The following ATP6V0D2 variants were observed in gnomAD, a reference collection of about 807,000 sequenced individuals.
The protein encoded by ATP6V0D2 is ATPase H+ transporting V0 subunit d2.
ATP6V0D2 carries 40 observed loss-of-function variants against 40.0 expected under a neutral mutation model. The ratio of observed to expected loss-of-function variants is 1.00; its 90% CI spans 0.78 to 1.30. The LOEUF (loss-of-function observed/expected upper bound fraction) is 1.30, where lower values mean the gene tolerates loss of function less well. ATP6V0D2 is among the 50% of genes most tolerant of loss of function. ATP6V0D2 has a pLI of 0.00. For missense variants in ATP6V0D2, 470 were observed against 423.1 expected (o/e 1.11, Z -0.97); for synonymous variants, 179 against 156.3 (o/e 1.15, Z -1.08).
intron 6 of ATP6V0D2, 26 bp downstream of exon 6, chr8:86,150,314 A>G: frequency 6.2e-7 from 1 of 1,604,192 alleles, no homozygotes; most frequent in Non-Finnish European, 8.5e-7. Context: ...GGCTTCCCTA[A>G]GTCCTTTGTG....
chr8:86,146,840 CCTTTTACTTTTGTAA>C (rs1264967414), intron 5 of ATP6V0D2, among the ~76,000 whole-genome samples: 2 of 151,960 alleles, frequency 1.3e-5, no homozygotes, highest in African/African-American at 4.8e-5. Flanking sequence ...TAATTACCTC[CCTTTTACTTTTGTAA>C]CTATAAAGCA....
At chr8:86,120,183 A>T (rs1271631479) in intron 2 of ATP6V0D2, among the ~76,000 whole-genome samples, 1 of 152,198 alleles carries the variant, frequency 6.6e-6, no homozygotes, top group Non-Finnish European at 1.5e-5. Flanking sequence ...GGATCACTTG[A>T]GGCCAGGAGT....
At chr8:86,103,468 G>A (rs1390982283) in intron 1 of ATP6V0D2, among the ~76,000 whole-genome samples, 1 of 151,932 alleles carries the variant, frequency 6.6e-6, no homozygotes. Context: ...TTGTTTAGAA[G>A]GGAATTAGGG....
chr8:86,124,159 G>A (rs1395592964), intron 2 of ATP6V0D2, among the ~76,000 whole-genome samples: 1 of 152,134 alleles, frequency 6.6e-6, no homozygotes, highest in Non-Finnish European at 1.5e-5. Flanking sequence ...GATTCAATGG[G>A]AATAGTCAAA....
chr8:86,118,002 TTTTC>T (rs71574256), intron 2 of ATP6V0D2, among the ~76,000 whole-genome samples: 59,811 of 136,542 alleles, frequency 0.44, 14,787 homozygotes, highest in Non-Finnish European at 0.56. Context: ...TTTCTCTTTG[TTTTC>T]TTTCTTTCTT....
At chr8:86,123,040 G>A (rs10106391) in intron 2 of ATP6V0D2, among the ~76,000 whole-genome samples, 7 of 151,928 alleles carry the variant, frequency 4.6e-5, no homozygotes, top group African/African-American at 1.5e-4. Flanking sequence ...TGGTCACCAC[G>A]CTGTAAGGGG....
chr8:86,137,683 A>G (rs1039601521), intron 2 of ATP6V0D2, among the ~76,000 whole-genome samples: 1 of 152,106 alleles, frequency 6.6e-6, no homozygotes, highest in Non-Finnish European at 1.5e-5. Context: ...AAATGGCTCT[A>G]TAACCTAACT....
chr8:86,147,115 T>A (rs575524572), intron 5 of ATP6V0D2, among the ~76,000 whole-genome samples: 3 of 152,284 alleles, frequency 2.0e-5, no homozygotes, highest in East Asian at 3.9e-4. Context: ...TGAAAAACAA[T>A]CATAAAATAT....
rs773606779 is a variant in ATP6V0D2, at chr8:86,113,835, G to A, written c.257G>A (p.Arg86Gln). 135 of 1,613,556 alleles carry A rather than the reference G, an allele frequency of 8.4e-5. No individual in the cohort carries two copies. Among genetic ancestry groups the A allele is most frequent in the South Asian group, 7.3e-4 (66 of 91,002 alleles). Residue 86 changes from arginine (R) to glutamine (Q), a missense_variant, in exon 2 of 8, where the codon CGG (arginine) becomes CAG (glutamine). By Grantham distance (43) the Arg-to-Gln change is conservative. Coordinates refer to ENST00000285393, the MANE Select transcript of ATP6V0D2 (RefSeq NM_152565.1). ...KRLCGEFEYF[R>Q]NHSLEPLSTF... ...CTATGTGGAGAATTTGAGTATTTCCGGAATCATTCCCTGGAGCCCCTCAGC... is the reference window on the plus strand; with the variant it reads ...CTATGTGGAGAATTTGAGTATTTCCAGAATCATTCCCTGGAGCCCCTCAGC...
chr8:86,120,550 G>A (rs563974221), intron 2 of ATP6V0D2, among the ~76,000 whole-genome samples: 9 of 152,276 alleles, frequency 5.9e-5, no homozygotes, highest in African/African-American at 2.2e-4. Flanking sequence ...GCAAGACCCT[G>A]TCTCTTTAAA....
At chr8:86,113,596 T>A in intron 1 of ATP6V0D2, 113 bp from the exon 2 acceptor site, 1 of 881,040 alleles carries the variant, frequency 1.1e-6, no homozygotes, top group Non-Finnish European at 1.7e-6. Flanking sequence ...TAAAATCTAA[T>A]AAGATAATAC....
At chr8:86,111,276 C>T (rs1818526008) in intron 1 of ATP6V0D2, among the ~76,000 whole-genome samples, 1 of 151,522 alleles carries the variant, frequency 6.6e-6, no homozygotes, top group Non-Finnish European at 1.5e-5. Flanking sequence ...AGCCTCGAGC[C>T]CCTGGGTTCA....
chr8:86,118,602 A>C (rs1299591517), intron 2 of ATP6V0D2, among the ~76,000 whole-genome samples: 1 of 152,152 alleles, frequency 6.6e-6, no homozygotes, highest in Non-Finnish European at 1.5e-5. Flanking sequence ...CTAATCTTCA[A>C]TAGCTGGCAT....
chr8:86,099,133 T>C (rs768894203), intron 1 of ATP6V0D2, 25 bp downstream of exon 1: 6 of 1,450,678 alleles, frequency 4.1e-6, no homozygotes, highest in Non-Finnish European at 5.4e-6. Context: ...TCTCACCCTT[T>C]AAAAAGAAAA....
intron 1 of ATP6V0D2, among the ~76,000 whole-genome samples, chr8:86,102,550 C>T (rs980846863): frequency 3.9e-5 from 6 of 152,138 alleles, no homozygotes; most frequent in Non-Finnish European, 4.4e-5. Context: ...GGAAAGTGTT[C>T]TGATAGCAAC....
intron 1 of ATP6V0D2, among the ~76,000 whole-genome samples, chr8:86,107,091 C>A (rs980500864): frequency 1.3e-5 from 2 of 151,826 alleles, no homozygotes; most frequent in East Asian, 1.9e-4. Context: ...TAGGATGTCA[C>A]AAATAAGTAA....
intron 2 of ATP6V0D2, among the ~76,000 whole-genome samples, chr8:86,123,593 T>G (rs958248014): frequency 3.3e-5 from 5 of 152,054 alleles, no homozygotes; most frequent in African/African-American, 1.2e-4. Flanking sequence ...GAGAGAGAGA[T>G]TTAACAGGAT....
At chr8:86,146,823 G>C (rs77647738) in intron 5 of ATP6V0D2, among the ~76,000 whole-genome samples, 1 of 151,906 alleles carries the variant, frequency 6.6e-6, no homozygotes, top group African/African-American at 2.4e-5. Flanking sequence ...AAATACTTTC[G>C]ATCATGTAAT....
intron 2 of ATP6V0D2, among the ~76,000 whole-genome samples, chr8:86,116,196 A>G (rs1291547395): frequency 6.6e-6 from 1 of 152,202 alleles, no homozygotes; most frequent in African/African-American, 2.4e-5. Context: ...TTTCTCTTCC[A>G]AAAGTAACCA....
Sources: allele counts gnomAD v4.1 joint callset (sites outside exome capture counted in the v4.1 genomes callset), GRCh38; gene constraint gnomAD v4.1.1; transcripts MANE v1.5; gene names NCBI Gene and HGNC (gene_info 2026-07-23, HGNC 2026-07-21).